Variants in GRM7 observed in about 807,000 individuals in gnomAD.
GRM7 encodes metabotropic glutamate receptor 7.
GRM7 carries 35 observed loss-of-function variants against 84.5 expected under a neutral mutation model. That is an observed-to-expected ratio of 0.41 (90% CI 0.32 to 0.55). The LOEUF (loss-of-function observed/expected upper bound fraction) is 0.55. GRM7 is among the 20% of genes least tolerant of loss of function. GRM7 has a pLI of 0.19. For synonymous variants in GRM7, 487 were observed against 455.1 expected, an observed-to-expected ratio of 1.07 and a Z score of -0.89; for missense variants, 1,003 against 1,194.6, an observed-to-expected ratio of 0.84 and a Z score of 2.36.
intron 1 of GRM7, among the ~76,000 whole-genome samples, chr3:7,034,121 G>GA (rs1696290266): frequency 6.6e-6 from 1 of 152,062 alleles, no homozygotes; most frequent in Non-Finnish European, 1.5e-5. Flanking sequence ...TAGGCTAAGG[G>GA]AAAAAATATC....
At chr3:7,035,654 C>A (rs981462341) in intron 1 of GRM7, among the ~76,000 whole-genome samples, 1 of 152,190 alleles carries the variant, frequency 6.6e-6, no homozygotes, top group Non-Finnish European at 1.5e-5. Context: ...GATTTGGGAA[C>A]ATTTCAGAGA....
chr3:7,025,888 G>A (rs1046561289), intron 1 of GRM7, among the ~76,000 whole-genome samples: 3 of 152,176 alleles, frequency 2.0e-5, no homozygotes. Context: ...TAGCAGGAGT[G>A]TCTGGCATCA....
intron 2 of GRM7, among the ~76,000 whole-genome samples, chr3:7,205,869 AG>A (rs1405594613): frequency 1.3e-5 from 2 of 152,348 alleles, no homozygotes; most frequent in East Asian, 3.9e-4. Flanking sequence ...CTAAGTGTTA[AG>A]TTTATTTAAA....
intron 3 of GRM7, among the ~76,000 whole-genome samples, chr3:7,304,697 T>C (rs964163947): frequency 6.6e-6 from 1 of 152,152 alleles, no homozygotes; most frequent in Admixed American, 6.6e-5. Flanking sequence ...TTTATATCTA[T>C]GCCAATTTAA....
intron 2 of GRM7, among the ~76,000 whole-genome samples, chr3:7,203,538 A>G (rs1394965624): frequency 6.6e-6 from 1 of 152,186 alleles, no homozygotes; most frequent in Non-Finnish European, 1.5e-5. Flanking sequence ...TATTGTGAAT[A>G]ATGCTGCTCT....
intron 1 of GRM7, among the ~76,000 whole-genome samples, chr3:7,050,953 C>G (rs1574836912): frequency 6.6e-6 from 1 of 151,802 alleles, no homozygotes; most frequent in East Asian, 1.9e-4. Context: ...AATATGCTTA[C>G]ATTGTGTAAG....
rs116171460 is a variant in GRM7, at chr3:7,376,779, G to A, written c.1034-38244G>A. ...GCTCTTTACAGAAAAGAAAATTGCT[G>A]ACCTCTGTTCTGAGGCAGAACTACT... On this transcript the variant is annotated intron_variant, in intron 4 of 9. Transcript: ENST00000357716. 8.1e-3 allele frequency among the ~76,000 whole-genome samples: 1,226 copies of A among 152,162 alleles called. 19 individuals carry two copies. Among genetic ancestry groups the A allele is most frequent in the African/African-American group, 0.027 (1,139 of 41,524 alleles).
At chr3:7,125,136 C>A (rs1474934866) in intron 1 of GRM7, among the ~76,000 whole-genome samples, 1 of 152,050 alleles carries the variant, frequency 6.6e-6, no homozygotes, top group African/African-American at 2.4e-5. Context: ...TATGGGGTTT[C>A]GCCTTGTTGG....
chr3:7,573,322 T>C (rs1288995725), intron 7 of GRM7, among the ~76,000 whole-genome samples: 1 of 152,174 alleles, frequency 6.6e-6, no homozygotes, highest in Non-Finnish European at 1.5e-5. Context: ...AAAATAATAT[T>C]GCAGAGAATT....
intron 7 of GRM7, among the ~76,000 whole-genome samples, chr3:7,530,044 A>G (rs1700972370): frequency 6.6e-6 from 1 of 151,628 alleles, no homozygotes; most frequent in South Asian, 2.1e-4. Flanking sequence ...AGCACCCATC[A>G]ACCTGTCATC....
intron 9 of GRM7, among the ~76,000 whole-genome samples, chr3:7,707,700 T>C (rs1701432264): frequency 6.6e-6 from 1 of 152,152 alleles, no homozygotes; most frequent in Admixed American, 6.5e-5. Flanking sequence ...GCCAGATGCC[T>C]CCAAAACAGC....
intron 1 of GRM7, among the ~76,000 whole-genome samples, chr3:7,037,993 G>GT (rs1202387657): frequency 2.0e-5 from 3 of 152,064 alleles, no homozygotes; most frequent in African/African-American, 7.2e-5. Flanking sequence ...TAAAGAGGTA[G>GT]TTTTTTTCTT....
intron 8 of GRM7, among the ~76,000 whole-genome samples, chr3:7,581,061 C>A (rs1244452641): frequency 1.3e-5 from 2 of 152,102 alleles, no homozygotes; most frequent in Non-Finnish European, 2.9e-5. Context: ...TAAGTTTATT[C>A]TTGGGGAACA....
At chr3:7,401,618 T>G (rs924347514) in intron 4 of GRM7, among the ~76,000 whole-genome samples, 1 of 152,162 alleles carries the variant, frequency 6.6e-6, no homozygotes, top group Non-Finnish European at 1.5e-5. Context: ...AAAGCATTAG[T>G]CATCATTTTA....
In GRM7 at chr3:7,132,390, C is replaced by G. The variant is rs73811611; in HGVS notation, c.520-14062C>G. Among the ~76,000 whole-genome samples, 136 of 152,124 alleles carry G rather than the reference C, an allele frequency of 8.9e-4. 1 individual carries two copies. The highest frequency in any genetic ancestry group is 3.2e-3 in the African/African-American group (131 of 41,498). On this transcript the variant is annotated intron_variant, in intron 1 of 9. Transcript: ENST00000357716. Reference sequence around the variant, plus strand: ...CACAAGCATACGTAGAGCTGGCCTACCTCATTAATTACTATATCTGCAGTG... The same window carrying G: ...CACAAGCATACGTAGAGCTGGCCTAGCTCATTAATTACTATATCTGCAGTG...
chr3:7,245,755 A>C (rs1289076349), intron 2 of GRM7, among the ~76,000 whole-genome samples: 3 of 152,054 alleles, frequency 2.0e-5, no homozygotes, highest in South Asian at 4.1e-4. Flanking sequence ...TGGAAATATA[A>C]GTATATGGAC....
At position 6,905,596 on chromosome 3, in the gene GRM7, G is replaced by T. The variant is rs551754648; in HGVS notation, c.519+43689G>T. Among the ~76,000 whole-genome samples, 6 of 151,670 alleles carry T rather than the reference G, an allele frequency of 4.0e-5. No homozygotes were observed. In the South Asian group the frequency reaches 1.2e-3, roughly 31 times the overall value. On this transcript the variant is annotated intron_variant, in intron 1 of 9. Coordinates refer to ENST00000357716, the MANE Select transcript of GRM7 (RefSeq NM_000844.4). Reference sequence around the variant, plus strand: ...CTTTCTCTCTCCCTCTCCGTCTTCTGTTGGCCAATTCCAATAGATAATGTT... The same window carrying T: ...CTTTCTCTCTCCCTCTCCGTCTTCTTTTGGCCAATTCCAATAGATAATGTT...
intron 8 of GRM7, among the ~76,000 whole-genome samples, chr3:7,640,789 A>G (rs1468212399): frequency 6.6e-6 from 1 of 152,190 alleles, no homozygotes; most frequent in Non-Finnish European, 1.5e-5. Flanking sequence ...GAGTGATATC[A>G]TCTGCATTTT....
At chr3:7,437,642 G>T (rs1266462408) in intron 5 of GRM7, among the ~76,000 whole-genome samples, 1 of 151,762 alleles carries the variant, frequency 6.6e-6, no homozygotes, top group Non-Finnish European at 1.5e-5. Context: ...CTGGCTTTAT[G>T]TTCTTTTTTA....
Sources: allele counts gnomAD v4.1 joint callset (sites outside exome capture counted in the v4.1 genomes callset), GRCh38; gene constraint gnomAD v4.1.1; transcripts MANE v1.5; gene names NCBI Gene and HGNC (gene_info 2026-07-23, HGNC 2026-07-21).